The following MID1 variants were observed in gnomAD, a reference collection of about 807,000 sequenced individuals.
MID1 encodes the protein midline 1.
A neutral mutation model predicts 40.4 loss-of-function variants in MID1; 7 were observed. The ratio of observed to expected loss-of-function variants is 0.17; its 90% CI spans 0.10 to 0.33. MID1 has a LOEUF of 0.33. MID1 is among the 10% of genes least tolerant of loss of function. The pLI is 1.00. For synonymous variants in MID1, 229 were observed against 221.2 expected, an observed-to-expected ratio of 1.04 and a Z score of -0.31; for missense variants, 367 against 558.5, an observed-to-expected ratio of 0.66 and a Z score of 3.46.
intron 1 of MID1, among the ~76,000 whole-genome samples, chrX:10,601,995 C>T (rs1219824823): frequency 1.9e-5 from 2 of 107,220 alleles, no homozygotes; most frequent in Non-Finnish European, 3.8e-5. Flanking sequence ...CTCCCGGGTT[C>T]ACGCCCATTC....
At chrX:10,542,007 C>T (rs1281971421) in intron 2 of MID1, among the ~76,000 whole-genome samples, 1 of 112,051 alleles carries the variant, frequency 8.9e-6, no homozygotes, top group African/African-American at 3.2e-5. Context: ...TTAGTGTGGA[C>T]AGCGTTCTAA....
intron 2 of MID1, 59 bp downstream of exon 2, chrX:10,566,827 CTT>C: frequency 8.7e-7 from 1 of 1,145,529 alleles, no homozygotes; most frequent in Non-Finnish European, 1.2e-6. Flanking sequence ...AGTGAATACA[CTT>C]TTTATTTCCA....
At chrX:10,579,084 C>A (rs750082054) in intron 1 of MID1, among the ~76,000 whole-genome samples, 1 of 111,815 alleles carries the variant, frequency 8.9e-6, no homozygotes, top group African/African-American at 3.3e-5. Flanking sequence ...CTTCACAAAC[C>A]CCTCAGTCAT....
Position 10,489,228 on chromosome X carries a change from T to C in MID1, c.864+6356A>G, listed in dbSNP as rs190903672. Reference sequence around the variant, plus strand: ...TAACAGTGCATTCTGAAGAGGTTTTTAATTTTGATGAAACCCAACATATAA... The same window carrying C: ...TAACAGTGCATTCTGAAGAGGTTTTCAATTTTGATGAAACCCAACATATAA... On this transcript the variant is annotated intron_variant, in intron 4 of 9. Transcript: ENST00000317552. 1.2e-4 allele frequency among the ~76,000 whole-genome samples: 14 copies of C among 112,276 alleles called. No homozygotes were observed. In the East Asian group the frequency reaches 3.9e-3, roughly 31 times the overall value.
At chrX:10,498,747 A>G (rs903813659) in intron 3 of MID1, among the ~76,000 whole-genome samples, 4 of 112,462 alleles carry the variant, frequency 3.6e-5, no homozygotes, top group African/African-American at 6.5e-5. Context: ...TTCACTTAGC[A>G]TAATGTTTTC....
chrX:10,545,856 T>A (rs1933662299), intron 2 of MID1, among the ~76,000 whole-genome samples: 1 of 112,322 alleles, frequency 8.9e-6, no homozygotes. Flanking sequence ...TTCATAGTAG[T>A]CATGATTCTC....
chrX:10,669,189 G>A (rs1314199711), intron 1 of MID1, among the ~76,000 whole-genome samples: 1 of 95,395 alleles, frequency 1.0e-5, no homozygotes, highest in Non-Finnish European at 2.0e-5. Context: ...ACTGCAGTCC[G>A]CAGTCCGGCC....
intron 1 of MID1, among the ~76,000 whole-genome samples, chrX:10,741,240 A>T (rs1323200117): frequency 5.4e-5 from 6 of 111,660 alleles, no homozygotes; most frequent in Non-Finnish European, 1.1e-4. Flanking sequence ...GAGAGAAAAG[A>T]TAGACTTTGG....
chrX:10,633,086 T>C (rs781543340), intron 1 of MID1, among the ~76,000 whole-genome samples: 34 of 111,766 alleles, frequency 3.0e-4, no homozygotes, highest in African/African-American at 8.5e-4. Context: ...TTTGGCATAA[T>C]AATTATTTTG....
intron 2 of MID1, among the ~76,000 whole-genome samples, chrX:10,539,523 G>A (rs886762561): frequency 8.9e-6 from 1 of 111,946 alleles, no homozygotes; most frequent in Non-Finnish European, 1.9e-5. Context: ...TATAAATTGA[G>A]ATTCTTAAAA....
intron 1 of MID1, among the ~76,000 whole-genome samples, chrX:10,653,099 G>T (rs200209781): frequency 8.9e-6 from 1 of 111,853 alleles, no homozygotes; most frequent in East Asian, 2.8e-4. Flanking sequence ...AGCACTAGAT[G>T]TGCTGCTGGT....
upstream of MID1, among the ~76,000 whole-genome samples, chrX:10,624,641 C>T (rs779383580): frequency 6.3e-5 from 7 of 111,702 alleles, no homozygotes; most frequent in Non-Finnish European, 1.3e-4. Context: ...AACAGGGTCT[C>T]ACTCTGCTGC....
At chrX:10,693,503 CATT>C (rs1306730750) in intron 1 of MID1, among the ~76,000 whole-genome samples, 2 of 110,769 alleles carry the variant, frequency 1.8e-5, no homozygotes, top group Non-Finnish European at 3.8e-5. Flanking sequence ...TTAACTTTCA[CATT>C]ATTATTTTTT....
At chrX:10,502,365 T>C (rs776160146) in intron 3 of MID1, among the ~76,000 whole-genome samples, 4 of 112,346 alleles carry the variant, frequency 3.6e-5, no homozygotes, top group Non-Finnish European at 5.6e-5. Flanking sequence ...TGACTTGATA[T>C]ATCACTTCTT....
chrX:10,620,902 C>T (rs764200232), upstream of MID1, among the ~76,000 whole-genome samples: 4 of 112,105 alleles, frequency 3.6e-5, no homozygotes, highest in African/African-American at 1.3e-4. Flanking sequence ...GTTCAACACT[C>T]AGGACCCAAG....
chrX:10,740,322 A>G lies in MID1; in HGVS notation c.-187+93232T>C, dbSNP rs542311507. ...TTGCTATGAGGTAGGAATATTAATA[A>G]CATTTTTCAGATAAGGAAACAGGAA... On this transcript the variant is annotated intron_variant, in intron 1 of 10. Transcript: ENST00000380785. Among the ~76,000 whole-genome samples, 80 of 112,983 alleles carry G rather than the reference A, an allele frequency of 7.1e-4. No individual in the cohort carries two copies. The South Asian group carries it at 0.027, about 39-fold the overall frequency.
intron 1 of MID1, chrX:10,677,532 T>A (rs2043030592): frequency 8.9e-6 from 1 of 112,666 alleles, no homozygotes; most frequent in South Asian, 3.7e-4. Context: ...ATGGCAGTCT[T>A]CTACATTTTG....
intron 2 of MID1, among the ~76,000 whole-genome samples, chrX:10,559,101 C>T (rs900666345): frequency 1.8e-5 from 2 of 111,391 alleles, no homozygotes; most frequent in Non-Finnish European, 3.8e-5. Flanking sequence ...TATCCTTGTA[C>T]CAAACTAACA....
Position 10,626,133 on chromosome X carries a change from C to T in MID1, c.-186-5714G>A, listed in dbSNP as rs989931681. Among the ~76,000 whole-genome samples the T allele has an allele frequency of 7.2e-5, 8 of 110,570 alleles. 1 individual carries two copies. Among genetic ancestry groups the T allele is most frequent in the Non-Finnish European group, 1.5e-4 (8 of 52,953 alleles). On this transcript the variant is annotated intron_variant, in intron 1 of 10. Transcript: ENST00000380785. ...AAAGGAAGCATTGTTATAGAACAGTCCTTAACTTGGCAGTGATTTCTGATA... is the reference window on the plus strand; with the variant it reads ...AAAGGAAGCATTGTTATAGAACAGTTCTTAACTTGGCAGTGATTTCTGATA...
Sources: allele counts gnomAD v4.1 joint callset (sites outside exome capture counted in the v4.1 genomes callset), GRCh38; gene constraint gnomAD v4.1.1; transcripts MANE v1.5; gene names NCBI Gene and HGNC (gene_info 2026-07-23, HGNC 2026-07-21).